WDFY1: variants seen among roughly 807,000 people sequenced by gnomAD.
WDFY1 encodes WD repeat and FYVE domain containing 1, also known as WD repeat and FYVE domain-containing protein 1.
In WDFY1, 32 loss-of-function variants were observed where a neutral mutation model predicts 56.4. The ratio of observed to expected loss-of-function variants is 0.57; its 90% confidence interval spans 0.43 to 0.76. WDFY1 has a LOEUF of 0.76. Ranked by LOEUF, WDFY1 falls within the 30% of genes least tolerant of loss-of-function variation. The probability of loss-of-function intolerance (pLI) is 0.00; values close to 1 mark genes in which losing one functional copy is unlikely to be tolerated. For synonymous variants in WDFY1, 192 were observed against 197.3 expected, an observed-to-expected ratio of 0.97 and a Z score of 0.23; for missense variants, 480 against 545.7, an observed-to-expected ratio of 0.88 and a Z score of 1.20.
In WDFY1 at chr2:223,898,970, T is replaced by C. The variant is rs1435610621; in HGVS notation, c.586A>G (p.Lys196Glu). The stretch of plus-strand genomic sequence containing the variant: ...TAATATAGCCTACCTTCATGTCCTT[T>C]GAGGGTTGTGATGACTGAACACGTG... ...QNTCSVITTLKGHEGSVACLW... is the reference protein window; with the variant it reads ...QNTCSVITTLEGHEGSVACLW... The change falls in exon 6 of 12, where the codon AAA (lysine) becomes GAA (glutamate). Residue 196 changes from lysine to glutamate, a missense_variant. Transcript: ENST00000233055. 1 of 1,613,974 alleles carries C rather than the reference T, an allele frequency of 6.2e-7. No homozygotes were observed. The highest frequency in any genetic ancestry group is 2.2e-5 in the East Asian group (1 of 44,862).
chr2:223,908,883 A>G (rs1693644554), intron 3 of WDFY1, among the ~76,000 whole-genome samples: 1 of 152,028 alleles, frequency 6.6e-6, no homozygotes, highest in Non-Finnish European at 1.5e-5. Flanking sequence ...ATTTCAACAC[A>G]CACCTTTATT....
At chr2:223,879,429 G>A (rs1302417578) in intron 11 of WDFY1, among the ~76,000 whole-genome samples, 1 of 152,098 alleles carries the variant, frequency 6.6e-6, no homozygotes, top group Non-Finnish European at 1.5e-5. Flanking sequence ...CCTGAGATGG[G>A]AGGATCGCTT....
intron 1 of WDFY1, among the ~76,000 whole-genome samples, chr2:223,925,022 G>A (rs1693954538): frequency 6.6e-6 from 1 of 151,926 alleles, no homozygotes; most frequent in Non-Finnish European, 1.5e-5. Context: ...TCATTTAATA[G>A]AATAAAAAAG....
intron 1 of WDFY1, among the ~76,000 whole-genome samples, chr2:223,918,505 C>G (rs545569812): frequency 1.3e-5 from 2 of 152,106 alleles, no homozygotes; most frequent in East Asian, 3.9e-4. Flanking sequence ...GTGGCGGGCA[C>G]CTGTAGTCCC....
chr2:223,892,087 G>C (rs974637003), intron 8 of WDFY1, among the ~76,000 whole-genome samples: 9 of 152,080 alleles, frequency 5.9e-5, no homozygotes, highest in African/African-American at 2.2e-4. Context: ...TGATTCTCCT[G>C]CCTCAGCCTC....
chr2:223,883,671 A>G (rs1032162331), intron 9 of WDFY1, among the ~76,000 whole-genome samples: 1 of 152,082 alleles, frequency 6.6e-6, no homozygotes, highest in Non-Finnish European at 1.5e-5. Context: ...TTTGAGATGG[A>G]GTCTCGCTCT....
chr2:223,934,048 G>A (rs1017965496), intron 1 of WDFY1, among the ~76,000 whole-genome samples: 1 of 147,306 alleles, frequency 6.8e-6, no homozygotes, highest in African/African-American at 2.5e-5. Flanking sequence ...AAGAAGCACA[G>A]TTTCTAATAA....
intron 8 of WDFY1, among the ~76,000 whole-genome samples, chr2:223,893,529 C>CA (rs61458649): frequency 0.043 from 5,864 of 135,734 alleles, 355 homozygotes; most frequent in African/African-American, 0.14. Context: ...GACCCTGTCT[C>CA]AAAAAAAAAA....
intron 8 of WDFY1, among the ~76,000 whole-genome samples, chr2:223,890,784 T>TAC (rs1693256366): frequency 6.6e-6 from 1 of 152,238 alleles, no homozygotes; most frequent in South Asian, 2.1e-4. Flanking sequence ...TAAAATGCTA[T>TAC]ACATTCTGTA....
chr2:223,928,668 C>G (rs1559174508), intron 1 of WDFY1, among the ~76,000 whole-genome samples: 1 of 152,170 alleles, frequency 6.6e-6, no homozygotes, highest in South Asian at 2.1e-4. Flanking sequence ...CCACCAAAAG[C>G]AAAAACAGAA....
rs1693352170 is a variant in WDFY1, at chr2:223,895,573, G to T, written c.656C>A (p.Ser219Tyr). Residue 219 changes from serine to tyrosine, a missense_variant, in exon 7 of 12, where the codon TCT (serine) becomes TAT (tyrosine). Physicochemically the swap from Ser to Tyr is moderately radical, Grantham distance 144 (BLOSUM62 -2). Transcript: ENST00000233055. ...GTCCCACATGATGATGCTGTTGTCA[G>T]ATGCTCCTGAGAAGAGTAACCGCTG... ...PIQRLLFSGA[S>Y]DNSIIMWDIG... 13 of 1,613,954 alleles carry T rather than the reference G, an allele frequency of 8.1e-6. No homozygotes were observed. Among genetic ancestry groups the T allele is most frequent in the Admixed American group, 1.7e-5 (1 of 59,992 alleles).
chr2:223,912,210 A>G, intron 3 of WDFY1, 43 bp downstream of exon 3: 1 of 1,557,636 alleles, frequency 6.4e-7, no homozygotes, highest in Non-Finnish European at 8.7e-7. Context: ...TATAAAGAAT[A>G]TAATATAAAG....
chr2:223,878,633 CT>C lies in WDFY1; in HGVS notation c.*37del. ...GTGAGAGGGACTTCATTTGGTGGAG[CT>C]GCTGTTCTTAGGTGTGGACGCCGCC... is the stretch of plus-strand genomic sequence containing the variant. On this transcript the variant is annotated 3_prime_UTR_variant, in exon 12 of 12. Transcript: ENST00000233055. The C allele has an allele frequency of 6.6e-7, 1 of 1,518,038 alleles. No individual in the cohort carries two copies. Among genetic ancestry groups the C allele is most frequent in the Non-Finnish European group, 9.1e-7 (1 of 1,093,524 alleles). 94.0% of individuals were successfully genotyped at this position (1,518,038 alleles called of 1,614,324 possible).
chr2:223,888,265 G>A (rs895691005), intron 8 of WDFY1, among the ~76,000 whole-genome samples: 1 of 151,718 alleles, frequency 6.6e-6, no homozygotes, highest in African/African-American at 2.4e-5. Context: ...GTACAAAGAG[G>A]GTTTCTCCAA....
intron 2 of WDFY1, among the ~76,000 whole-genome samples, chr2:223,917,497 C>T (rs924420779): frequency 6.6e-6 from 1 of 152,114 alleles, no homozygotes. Context: ...CAGTTTATTA[C>T]AGCCTGTCAG....
At chr2:223,926,442 T>G (rs1693979943) in intron 1 of WDFY1, among the ~76,000 whole-genome samples, 1 of 152,070 alleles carries the variant, frequency 6.6e-6, no homozygotes, top group Non-Finnish European at 1.5e-5. Flanking sequence ...AAGTGTATTT[T>G]TTAAATCACA....
chr2:223,888,584 C>T (rs1251185025), intron 8 of WDFY1, among the ~76,000 whole-genome samples: 2 of 74,346 alleles, frequency 2.7e-5, no homozygotes, highest in African/African-American at 4.3e-5. Context: ...TTTAAATTCT[C>T]AATTTTTTTT....
intron 4 of WDFY1, among the ~76,000 whole-genome samples, chr2:223,904,222 G>A (rs923970691): frequency 3.3e-5 from 5 of 152,096 alleles, no homozygotes; most frequent in Admixed American, 3.3e-4. Context: ...CAAATGTATG[G>A]TCATTGTTAT....
Position 223,877,131 on chromosome 2 carries a change from T to C in WDFY1, c.*1540A>G, listed in dbSNP as rs1322400051. On this transcript the variant is annotated 3_prime_UTR_variant, in exon 12 of 12. Coordinates refer to ENST00000233055, the MANE Select transcript of WDFY1 (RefSeq NM_020830.5). ...CCAGTACATGATGTGCGTGACCCCC[T>C]TTCCTTTCCTTACGTGTGTCACACA... 1 of 152,178 alleles carries C rather than the reference T, an allele frequency of 6.6e-6. No individual in the cohort carries two copies. The highest frequency in any genetic ancestry group is 1.5e-5 in the Non-Finnish European group (1 of 68,034). The allele number at this position is 152,178 out of a possible 1,614,324, so 9.4% of individuals were successfully genotyped here.
Sources: gnomAD v4.1 joint callset for allele counts (sites outside exome capture counted in the v4.1 genomes callset) on GRCh38, gnomAD v4.1.1 for gene constraint, MANE v1.5 for transcripts, NCBI Gene and HGNC (gene_info 2026-07-23, HGNC 2026-07-21) for gene names.